The following CACNA1D variants were observed in gnomAD, a reference collection of about 807,000 sequenced individuals.
CACNA1D encodes the protein calcium voltage-gated channel subunit alpha1 D, also known as voltage-dependent L-type calcium channel subunit alpha-1D.
A neutral mutation model predicts 257.1 loss-of-function variants in CACNA1D; 55 were observed. That is an observed-to-expected ratio of 0.21 (90% CI 0.17 to 0.27). CACNA1D has a LOEUF of 0.27. Among genes scored for constraint, CACNA1D ranks in the 10% least tolerant of loss-of-function variants. The pLI, the probability that CACNA1D is intolerant of heterozygous loss-of-function variation, is 1.00. For synonymous variants in CACNA1D, 980 were observed against 1,014.9 expected (o/e 0.97, Z 0.65); for missense variants, 1,876 against 2,784.0 (o/e 0.67, Z 7.34).
chr3:53,751,406 C>T lies in CACNA1D; in HGVS notation c.3517-343C>T, dbSNP rs1402773391. ...AGGAAAGGCAGTGATAAGGCCTGGA[C>T]CCAGTCCTCACTCCTGCTTGTGTAT... On this transcript the variant is annotated intron_variant, in intron 27 of 47. Coordinates refer to ENST00000350061, the MANE Select transcript of CACNA1D (RefSeq NM_001128840.3). This position sits in a 1 kb window ranked among gnomAD's most constrained non-coding sequence, Gnocchi z 4.3. Among the ~76,000 whole-genome samples the T allele has an allele frequency of 6.6e-6, 1 of 152,220 alleles. No homozygotes were observed. The highest frequency in any genetic ancestry group is 2.4e-5 in the African/African-American group (1 of 41,458).
chr3:53,678,191 C>A (rs1244749901), intron 8 of CACNA1D, among the ~76,000 whole-genome samples: 2 of 152,186 alleles, frequency 1.3e-5, no homozygotes, highest in Non-Finnish European at 2.9e-5. Flanking sequence ...ACTACATAAA[C>A]CCCCTCCTGG....
intron 3 of CACNA1D, among the ~76,000 whole-genome samples, chr3:53,639,940 C>A (rs1194600481): frequency 2.7e-5 from 4 of 147,756 alleles, no homozygotes; most frequent in Non-Finnish European, 5.9e-5. Flanking sequence ...CGGCTCACTG[C>A]AACCTCTGCC....
intron 3 of CACNA1D, among the ~76,000 whole-genome samples, chr3:53,619,411 A>G (rs2093672022): frequency 6.6e-6 from 1 of 152,228 alleles, no homozygotes; most frequent in Non-Finnish European, 1.5e-5. Context: ...TCAGTGAAAC[A>G]TGGGTAATTT....
At chr3:53,615,278 C>G (rs1421119949) in intron 3 of CACNA1D, among the ~76,000 whole-genome samples, 1 of 152,202 alleles carries the variant, frequency 6.6e-6, no homozygotes, top group East Asian at 1.9e-4. Context: ...TGCTGTAATT[C>G]TCTATTAACC....
rs2095222426 is a variant in CACNA1D, at chr3:53,751,185, A to G, written c.3517-564A>G. The stretch of plus-strand genomic sequence containing the variant: ...TCCCCATAAGATGTGTATTGTTAAC[A>G]CACTCTGGCTCCTGAAGGGTATCTC... On this transcript the variant is annotated intron_variant, in intron 27 of 47. Transcript: ENST00000350061. This position sits in a 1 kb window ranked among gnomAD's most constrained non-coding sequence, Gnocchi z 4.3. Among the ~76,000 whole-genome samples the G allele has an allele frequency of 6.6e-6, 1 of 152,210 alleles. No homozygotes were observed. The highest frequency in any genetic ancestry group is 2.4e-5 in the African/African-American group (1 of 41,452).
intron 3 of CACNA1D, among the ~76,000 whole-genome samples, chr3:53,626,582 G>C (rs2093761438): frequency 6.6e-6 from 1 of 151,940 alleles, no homozygotes; most frequent in African/African-American, 2.4e-5. Context: ...TTTTTTTAAA[G>C]TCAAACATGG....
intron 15 of CACNA1D, among the ~76,000 whole-genome samples, chr3:53,728,806 C>G (rs1228873831): frequency 6.6e-6 from 1 of 152,222 alleles, no homozygotes; most frequent in Middle Eastern, 3.2e-3. Context: ...GTGCCCTCAG[C>G]ACCCACAACA....
At chr3:53,553,939 G>T (rs2107598348) in intron 3 of CACNA1D, among the ~76,000 whole-genome samples, 1 of 151,826 alleles carries the variant, frequency 6.6e-6, no homozygotes, top group South Asian at 2.1e-4. Flanking sequence ...GCTCACACCT[G>T]TAATCTCAGC....
rs970417267 is a variant in CACNA1D, at chr3:53,495,786, T to C, written c.67+553T>C. Among the ~76,000 whole-genome samples the C allele has an allele frequency of 2.6e-5, 4 of 152,202 alleles. No individual in the cohort carries two copies. The highest frequency in any genetic ancestry group is 9.6e-5 in the African/African-American group (4 of 41,468). On this transcript the variant is annotated intron_variant, in intron 1 of 47. Coordinates refer to ENST00000350061, the MANE Select transcript of CACNA1D (RefSeq NM_001128840.3). This position sits in a 1 kb window ranked among gnomAD's most constrained non-coding sequence, Gnocchi z 5.1. Reference sequence around the variant, plus strand: ...GAAAGGGGTTCGGGTGGAGCGTGCGTTCCCGCTCCCGTCGCCGGCTGTGCA... The same window carrying C: ...GAAAGGGGTTCGGGTGGAGCGTGCGCTCCCGCTCCCGTCGCCGGCTGTGCA...
chr3:53,762,189 G>C lies in CACNA1D; in HGVS notation c.3870+108G>C, dbSNP rs995939417. ...TCACCTGGACAAGTCACAGATCCCA[G>C]TCACTTGATCTGAAACTAGGATTTC... is the stretch of plus-strand genomic sequence containing the variant. On this transcript the variant is annotated intron_variant, in intron 30 of 47. Transcript: ENST00000350061. 1.7e-5 allele frequency: 13 copies of C among 778,374 alleles called. No individual in the cohort carries two copies. In the African/African-American group the frequency reaches 2.2e-4, roughly 13 times the overall value. The allele number at this position is 778,374 out of a possible 1,614,324, so 48.2% of individuals were successfully genotyped here. A position where few individuals can be genotyped will look rare whatever the true frequency, so the allele number is the denominator to read the frequency against.
intron 8 of CACNA1D, among the ~76,000 whole-genome samples, chr3:53,686,117 A>G (rs2094471650): frequency 6.6e-6 from 1 of 152,030 alleles, no homozygotes; most frequent in African/African-American, 2.4e-5. Context: ...GAAACAGGCA[A>G]ATTCCTTGAA....
At chr3:53,644,570 A>G (rs930641068) in intron 3 of CACNA1D, among the ~76,000 whole-genome samples, 2 of 152,130 alleles carry the variant, frequency 1.3e-5, no homozygotes, top group African/African-American at 2.4e-5. Context: ...ATCATGCAGT[A>G]TTTGCCTTTC....
At chr3:53,809,025 G>T in intron 46 of CACNA1D, 1 of 516,566 alleles carries the variant, frequency 1.9e-6, no homozygotes, top group Non-Finnish European at 3.5e-6. Context: ...CTGCCCAGGT[G>T]CCTCCCTGCG....
At chr3:53,755,373 G>A (rs967337648) in intron 29 of CACNA1D, among the ~76,000 whole-genome samples, 1 of 152,156 alleles carries the variant, frequency 6.6e-6, no homozygotes, top group African/African-American at 2.4e-5. Flanking sequence ...TCATGTGTGT[G>A]CTTGCTCCCT....
intron 3 of CACNA1D, among the ~76,000 whole-genome samples, chr3:53,505,458 T>C (rs112260937): frequency 0.027 from 4,069 of 152,238 alleles, 122 homozygotes; most frequent in African/African-American, 0.068. Flanking sequence ...CAGTTAATAG[T>C]GAAGCATTCT....
chr3:53,613,531 T>C (rs1318756144), intron 3 of CACNA1D, among the ~76,000 whole-genome samples: 1 of 141,602 alleles, frequency 7.1e-6, no homozygotes, highest in African/African-American at 2.9e-5. Context: ...ATTTATATAA[T>C]TGGCACGGCC....
intron 3 of CACNA1D, among the ~76,000 whole-genome samples, chr3:53,597,806 C>T (rs1180514562): frequency 2.0e-5 from 3 of 152,166 alleles, no homozygotes; most frequent in Non-Finnish European, 4.4e-5. Flanking sequence ...ACTCAAGTTG[C>T]TTTTGCTGCA....
At chr3:53,652,027 C>T (rs2094103207) in intron 4 of CACNA1D, among the ~76,000 whole-genome samples, 1 of 152,108 alleles carries the variant, frequency 6.6e-6, no homozygotes, top group Non-Finnish European at 1.5e-5. Context: ...TTCAAACCGC[C>T]CCCGCCGCCA....
At position 53,735,238 on chromosome 3, in the gene CACNA1D, C is replaced by T. The variant is rs563501008; in HGVS notation, c.2622-136C>T. ...TGACGGACAGGTTGCTCAGGTGTGCCGGGCAGGGTGCATGGGCAGCACAGC... is the reference window on the plus strand; with the variant it reads ...TGACGGACAGGTTGCTCAGGTGTGCTGGGCAGGGTGCATGGGCAGCACAGC... On this transcript the variant is annotated intron_variant, in intron 19 of 47. Coordinates refer to ENST00000350061, the MANE Select transcript of CACNA1D (RefSeq NM_001128840.3). The T allele has an allele frequency of 3.2e-5, 28 of 870,454 alleles. 1 individual carries two copies. Among genetic ancestry groups the T allele is most frequent in the South Asian group, 1.5e-4 (11 of 75,782 alleles). 53.9% of individuals were successfully genotyped at this position (870,454 alleles called of 1,614,324 possible). A position where few individuals can be genotyped will look rare whatever the true frequency, so the allele number is the denominator to read the frequency against.
Sources: gnomAD v4.1 joint callset for allele counts (sites outside exome capture counted in the v4.1 genomes callset) on GRCh38, gnomAD v4.1.1 for gene constraint, Gnocchi (gnomAD v3.1) non-coding constraint, MANE v1.5 for transcripts, NCBI Gene and HGNC (gene_info 2026-07-23, HGNC 2026-07-21) for gene names.